OOEP: variants seen among roughly 807,000 people sequenced by gnomAD.
The protein encoded by OOEP is oocyte-expressed protein homolog.
OOEP carries 16 observed loss-of-function variants against 13.7 expected under a neutral mutation model. The ratio of observed to expected loss-of-function variants is 1.16; its 90% CI spans 0.79 to 1.77. The LOEUF is 1.77. Ranked by LOEUF, OOEP falls within the 40% of genes most tolerant of loss-of-function variation. The probability of loss-of-function intolerance (pLI) is 0.00; values close to 1 mark genes in which losing one functional copy is unlikely to be tolerated. For missense variants in OOEP, 195 were observed against 193.1 expected (o/e 1.01, Z -0.06); for synonymous variants, 89 against 77.1 (o/e 1.15, Z -0.81).
chr6:73,369,495 C>G (rs1769010128), intron 1 of OOEP, 108 bp downstream of exon 1: 1 of 1,493,602 alleles, frequency 6.7e-7, no homozygotes. Context: ...GGCATCACTG[C>G]AACACTCCTG....
chr6:73,373,402 G>T, upstream of OOEP: 1 of 828,490 alleles, frequency 1.2e-6, no homozygotes, highest in South Asian at 1.5e-5. Context: ...TCAGCTCACT[G>T]GGTAGCTGAG....
At chr6:73,393,839 T>C (rs1434633947) in intron 2 of OOEP, among the ~76,000 whole-genome samples, 2 of 152,048 alleles carry the variant, frequency 1.3e-5, no homozygotes, top group Non-Finnish European at 2.9e-5. Context: ...AAAAAAAACA[T>C]AGCAAACATC....
At chr6:73,382,464 C>T (rs550237237) in intron 2 of OOEP, among the ~76,000 whole-genome samples, 1 of 151,874 alleles carries the variant, frequency 6.6e-6, no homozygotes, top group African/African-American at 2.4e-5. Flanking sequence ...GATCCACCTG[C>T]CTCAGCCTCC....
intron 2 of OOEP, among the ~76,000 whole-genome samples, chr6:73,380,623 T>G (rs1036772623): frequency 2.0e-5 from 3 of 152,218 alleles, no homozygotes; most frequent in Non-Finnish European, 2.9e-5. Flanking sequence ...TGTGGGTGGT[T>G]GTTACATCAC....
rs552038783 is a variant in OOEP, at chr6:73,369,851, C to G, written c.-59G>C. The G allele has an allele frequency of 4.7e-6, 7 of 1,494,754 alleles. No homozygotes were observed. Among genetic ancestry groups the G allele is most frequent in the Non-Finnish European group, 6.4e-6 (7 of 1,090,328 alleles). The allele number at this position is 1,494,754 out of a possible 1,614,324, so 92.6% of individuals were successfully genotyped here. ...CGGCTTTCGCAAGACCTCTTCCAGA[C>G]CCAGGCGCGAAGCTCGGGCTCTCTT... On this transcript the variant is annotated 5_prime_UTR_variant, in exon 1 of 3. Coordinates refer to ENST00000370359, the MANE Select transcript of OOEP (RefSeq NM_001080507.3).
intron 2 of OOEP, 90 bp from the exon 3 acceptor site, chr6:73,368,953 A>C (rs1008463394): frequency 2.6e-5 from 27 of 1,049,594 alleles, no homozygotes; most frequent in South Asian, 1.2e-4. Flanking sequence ...GGGAGGAGAG[A>C]AAGATCTGCG....
chr6:73,373,045 T>C (rs1458442684), upstream of OOEP: 49 of 1,310,550 alleles, frequency 3.7e-5, no homozygotes, highest in Non-Finnish European at 5.3e-5. Context: ...TTCAGCTTGA[T>C]ATGGTAACAT....
chr6:73,371,203 C>T (rs555286345), upstream of OOEP, among the ~76,000 whole-genome samples: 1 of 152,294 alleles, frequency 6.6e-6, no homozygotes, highest in East Asian at 1.9e-4. Flanking sequence ...CTGATCCCAC[C>T]CCCTCTCACC....
At chr6:73,394,458 C>A (rs1403856750) in exon 2 of OOEP, 2 of 691,028 alleles carry the variant, frequency 2.9e-6, no homozygotes, top group Non-Finnish European at 5.3e-6. Flanking sequence ...GAGTTCAAGA[C>A]CTGCCTGGGC....
In OOEP at chr6:73,368,781, G is replaced by T; in HGVS notation, c.*3C>A. On this transcript the variant is annotated 3_prime_UTR_variant, in exon 3 of 3. Coordinates refer to ENST00000370359, the MANE Select transcript of OOEP (RefSeq NM_001080507.3). ...AGATGTTCCCAACAGTAACTATGTT[G>T]TCTTAAGCAACAGGATCCTGGGGAG... The T allele has an allele frequency of 6.3e-7, 1 of 1,599,662 alleles. No individual in the cohort carries two copies. Among genetic ancestry groups the T allele is most frequent in the Non-Finnish European group, 8.6e-7 (1 of 1,166,868 alleles).
upstream of OOEP, chr6:73,372,995 A>T: frequency 2.3e-6 from 2 of 871,608 alleles, no homozygotes; most frequent in South Asian, 2.9e-5. Context: ...ACAGATTCAG[A>T]GAGGAAAACA....
Position 73,369,394 on chromosome 6 carries a change from G to A in OOEP, c.191-9C>T. The A allele has an allele frequency of 6.2e-7, 1 of 1,607,068 alleles. No homozygotes were observed. On this transcript the variant is annotated splice_polypyrimidine_tract_variant and intron_variant, in intron 1 of 2. Coordinates refer to ENST00000370359, the MANE Select transcript of OOEP (RefSeq NM_001080507.3). ...TATGGCTCGGTCTGGGCCTAAACAA[G>A]TAAGGAAAAACTCTGAGGGGCTGCA...
upstream of OOEP, among the ~76,000 whole-genome samples, chr6:73,373,911 T>C (rs1769098498): frequency 6.6e-6 from 1 of 151,984 alleles, no homozygotes; most frequent in African/African-American, 2.4e-5. Context: ...TTTAAATATA[T>C]TTTTAAAATA....
intron 2 of OOEP, among the ~76,000 whole-genome samples, chr6:73,379,322 C>T (rs1769171342): frequency 6.7e-6 from 1 of 149,640 alleles, no homozygotes; most frequent in Admixed American, 6.6e-5. Context: ...CCATGCCTGG[C>T]CTGAAAAATA....
intron 2 of OOEP, among the ~76,000 whole-genome samples, chr6:73,390,314 T>C (rs1037371680): frequency 6.6e-6 from 1 of 152,188 alleles, no homozygotes; most frequent in Non-Finnish European, 1.5e-5. Flanking sequence ...AGAACAATTT[T>C]AGGTTCACAG....
At chr6:73,394,712 C>T (rs1483225872) in intron 1 of OOEP, 4 of 777,216 alleles carry the variant, frequency 5.1e-6, no homozygotes, top group South Asian at 1.9e-5. Context: ...CCGCCCACAA[C>T]GCTCACTGGC....
chr6:73,392,659 C>A (rs1173636421), intron 2 of OOEP, among the ~76,000 whole-genome samples: 2 of 105,794 alleles, frequency 1.9e-5, no homozygotes, highest in African/African-American at 7.5e-5. Context: ...GAGATGGAGT[C>A]TCTCGCTCTG....
At chr6:73,394,823 C>G (rs1769426322) in exon 1 of OOEP, 7 of 1,552,712 alleles carry the variant, frequency 4.5e-6, no homozygotes, top group African/African-American at 4.1e-5. Context: ...CGTGGCTTCC[C>G]TGGCACGCTA....
intron 2 of OOEP, among the ~76,000 whole-genome samples, chr6:73,388,092 G>C (rs546691471): frequency 1.3e-5 from 2 of 152,284 alleles, no homozygotes; most frequent in Non-Finnish European, 2.9e-5. Context: ...GGCCAGGCTG[G>C]TGCCAAACTC....
Sources: gnomAD v4.1 joint callset for allele counts (sites outside exome capture counted in the v4.1 genomes callset) on GRCh38, gnomAD v4.1.1 for gene constraint, MANE v1.5 for transcripts, NCBI Gene and HGNC (gene_info 2026-07-23, HGNC 2026-07-21) for gene names.